The following TNIK variants were observed in gnomAD, a reference collection of about 807,000 sequenced individuals.
TNIK encodes the protein TRAF2 and NCK-interacting protein kinase.
In TNIK, 49 loss-of-function variants were observed where a neutral mutation model predicts 191.3. That is an observed-to-expected ratio of 0.26 (90% CI 0.20 to 0.32). The LOEUF (loss-of-function observed/expected upper bound fraction) is 0.32. TNIK is among the 10% of genes least tolerant of loss of function. The pLI is 1.00. For missense variants in TNIK, 1,155 were observed against 1,702.3 expected, an observed-to-expected ratio of 0.68 and a Z score of 5.66; for synonymous variants, 594 against 600.9, an observed-to-expected ratio of 0.99 and a Z score of 0.17.
intron 11 of TNIK, among the ~76,000 whole-genome samples, chr3:171,158,767 T>C (rs1733566845): frequency 6.6e-6 from 1 of 152,178 alleles, no homozygotes; most frequent in Non-Finnish European, 1.5e-5. Context: ...AAATTGTAAT[T>C]GTTTCAGTGA....
intron 1 of TNIK, among the ~76,000 whole-genome samples, chr3:171,403,701 A>G (rs1721283805): frequency 6.6e-6 from 1 of 152,192 alleles, no homozygotes; most frequent in Admixed American, 6.5e-5. Flanking sequence ...AAGCATAAGA[A>G]ACTAATAAAG....
At chr3:171,457,058 C>T (rs1728872496) in intron 1 of TNIK, among the ~76,000 whole-genome samples, 1 of 152,220 alleles carries the variant, frequency 6.6e-6, no homozygotes, top group African/African-American at 2.4e-5. Context: ...ATCTATAAAA[C>T]AATTCCAGCC....
At chr3:171,334,728 A>G (rs1263778544) in intron 2 of TNIK, among the ~76,000 whole-genome samples, 3 of 152,184 alleles carry the variant, frequency 2.0e-5, no homozygotes, top group African/African-American at 4.8e-5. Context: ...CAAGTCTGAC[A>G]TCACCACATT....
At chr3:171,229,276 ATGT>A (rs1743324938) in intron 2 of TNIK, among the ~76,000 whole-genome samples, 1 of 152,214 alleles carries the variant, frequency 6.6e-6, no homozygotes, top group African/African-American at 2.4e-5. Flanking sequence ...TGAATTTTAA[ATGT>A]TGTCTTCCCT....
rs749174154 is a variant in TNIK, at chr3:171,066,712, A to G, written c.3723T>C (p.His1241=). ...CTGTTTTAGGCAAGATGACAATAGCATGAGGAGTGATATTGCCCTGAATCT... is the reference window on the plus strand; with the variant it reads ...CTGTTTTAGGCAAGATGACAATAGCGTGAGGAGTGATATTGCCCTGAATCT... The part of the protein sequence containing the change: ...PSHIQGNITP[H]AIVILPKTDG... Residue 1241 remains histidine, a synonymous_variant, in exon 31 of 33, where the codon CAT becomes CAC. Transcript: ENST00000436636. The G allele has an allele frequency of 2.5e-6, 4 of 1,613,836 alleles. No individual in the cohort carries two copies. The highest frequency in any genetic ancestry group is 3.4e-6 in the Non-Finnish European group (4 of 1,179,810).
intron 1 of TNIK, among the ~76,000 whole-genome samples, chr3:171,411,146 C>A (rs1722359800): frequency 1.3e-5 from 2 of 151,734 alleles, no homozygotes; most frequent in African/African-American, 4.8e-5. Flanking sequence ...TAGCTCATTG[C>A]AGCCTCGAAT....
intron 2 of TNIK, among the ~76,000 whole-genome samples, chr3:171,316,724 A>C (rs1754634767): frequency 6.6e-6 from 1 of 152,020 alleles, no homozygotes; most frequent in African/African-American, 2.4e-5. Context: ...CTTCAAAAGG[A>C]AAAAATATAT....
intron 2 of TNIK, among the ~76,000 whole-genome samples, chr3:171,349,715 C>T (rs1311064635): frequency 6.6e-6 from 1 of 152,174 alleles, no homozygotes; most frequent in Non-Finnish European, 1.5e-5. Flanking sequence ...GTAATCCATT[C>T]CATTTCAGTC....
At chr3:171,419,836 A>G (rs1185544981) in intron 1 of TNIK, among the ~76,000 whole-genome samples, 1 of 152,192 alleles carries the variant, frequency 6.6e-6, no homozygotes, top group Non-Finnish European at 1.5e-5. Context: ...TTTGAACTGA[A>G]TTGATTTCAA....
intron 4 of TNIK, among the ~76,000 whole-genome samples, chr3:171,207,851 A>G (rs1428989420): frequency 6.6e-6 from 1 of 152,212 alleles, no homozygotes; most frequent in African/African-American, 2.4e-5. Context: ...TTCTAACAAT[A>G]TAATTTTCAT....
rs116867000 is a variant in TNIK, at chr3:171,106,670, A to G, written c.2406+513T>C. 454 of 533,300 alleles carry G rather than the reference A, an allele frequency of 8.5e-4. 5 individuals carry two copies. The highest frequency in any genetic ancestry group is 5.2e-3 in the East Asian group (96 of 18,320). The allele number at this position is 533,300 out of a possible 1,614,324, so 33.0% of individuals were successfully genotyped here. On this transcript the variant is annotated intron_variant, in intron 21 of 32. Transcript: ENST00000436636. ...AACGTCTCCACAGACAAGGAAATAA[A>G]GTCACTTAACTTTCCAGGATTCATT...
chr3:171,299,495 G>T (rs1378411506), intron 2 of TNIK, among the ~76,000 whole-genome samples: 1 of 152,220 alleles, frequency 6.6e-6, no homozygotes, highest in Non-Finnish European at 1.5e-5. Context: ...CCACACTGCA[G>T]CTTGGGCATT....
intron 29 of TNIK, among the ~76,000 whole-genome samples, chr3:171,069,710 GT>G (rs1718938897): frequency 6.6e-6 from 1 of 152,334 alleles, no homozygotes; most frequent in Admixed American, 6.5e-5. Flanking sequence ...ACTGTCAAGT[GT>G]TCCTCTGCCA....
At chr3:171,274,350 G>A (rs1749464070) in intron 2 of TNIK, among the ~76,000 whole-genome samples, 1 of 152,128 alleles carries the variant, frequency 6.6e-6, no homozygotes, top group Non-Finnish European at 1.5e-5. Context: ...GATAAACTGA[G>A]CCACTCTCTC....
chr3:171,156,588 G>A (rs1275549313), intron 12 of TNIK, among the ~76,000 whole-genome samples: 1 of 152,214 alleles, frequency 6.6e-6, no homozygotes, highest in Non-Finnish European at 1.5e-5. Context: ...GATTTATCTG[G>A]CAGAGGAAGG....
At chr3:171,182,941 G>A (rs979788389) in intron 7 of TNIK, among the ~76,000 whole-genome samples, 2 of 152,218 alleles carry the variant, frequency 1.3e-5, no homozygotes, top group African/African-American at 2.4e-5. Context: ...TGTCTTGCAG[G>A]ACTGGTAAGA....
intron 28 of TNIK, among the ~76,000 whole-genome samples, chr3:171,077,414 A>G (rs12486818): frequency 0.11 from 16,157 of 152,194 alleles, 973 homozygotes; most frequent in Middle Eastern, 0.16. Context: ...GTAAATTTTT[A>G]AGACAGGAGT....
chr3:171,127,958 A>G (rs1282117086), intron 16 of TNIK, among the ~76,000 whole-genome samples: 7 of 152,168 alleles, frequency 4.6e-5, no homozygotes, highest in Admixed American at 4.6e-4. Flanking sequence ...GAATTCCTTA[A>G]TCTATTTCAC....
Position 171,071,090 on chromosome 3 carries a change from G to A in TNIK, c.3549+133C>T, listed in dbSNP as rs1576896484. The A allele has an allele frequency of 3.8e-5, 21 of 558,226 alleles. No individual in the cohort carries two copies. In the East Asian group the frequency reaches 6.7e-4, roughly 18 times the overall value. 34.6% of individuals were successfully genotyped at this position (558,226 alleles called of 1,614,324 possible). A position where few individuals can be genotyped will look rare whatever the true frequency, so the allele number is the denominator to read the frequency against. ...TTTACTTTTGAAACAATAAACCCTA[G>A]AGTACCTACACTTTTAAAACAGGTT... On this transcript the variant is annotated intron_variant, in intron 29 of 32. Coordinates refer to ENST00000436636, the MANE Select transcript of TNIK (RefSeq NM_015028.4).
Sources: gnomAD v4.1 joint callset for allele counts (sites outside exome capture counted in the v4.1 genomes callset) on GRCh38, gnomAD v4.1.1 for gene constraint, MANE v1.5 for transcripts, NCBI Gene and HGNC (gene_info 2026-07-23, HGNC 2026-07-21) for gene names.